The following GPC5 variants were observed in gnomAD, a reference collection of about 807,000 sequenced individuals.
GPC5 encodes glypican-5.
Under a neutral mutation model 53.9 loss-of-function variants are expected in GPC5, and 47 were observed. The ratio of observed to expected loss-of-function variants is 0.87; its 90% CI spans 0.69 to 1.11. GPC5 has a LOEUF of 1.11. GPC5 is among the 50% of genes most tolerant of loss of function. The pLI is 0.00. For missense variants in GPC5, 748 were observed against 713.1 expected, an observed-to-expected ratio of 1.05 and a Z score of -0.56; for synonymous variants, 286 against 263.3, an observed-to-expected ratio of 1.09 and a Z score of -0.84.
At chr13:91,445,761 C>T (rs957850734) in intron 1 of GPC5, among the ~76,000 whole-genome samples, 2 of 152,204 alleles carry the variant, frequency 1.3e-5, no homozygotes, top group Non-Finnish European at 2.9e-5. Flanking sequence ...AGGCATGAGC[C>T]ACCATGCCCA....
chr13:92,731,196 T>C (rs1000955470), intron 7 of GPC5, among the ~76,000 whole-genome samples: 5 of 151,452 alleles, frequency 3.3e-5, no homozygotes, highest in South Asian at 4.1e-4. Context: ...AGGTTGCTTA[T>C]ATTAAGTAAA....
In GPC5 at chr13:91,440,780, G is replaced by A. The variant is rs140237602; in HGVS notation, c.164-7981G>A. On this transcript the variant is annotated intron_variant, in intron 1 of 7. Coordinates refer to ENST00000377067, the MANE Select transcript of GPC5 (RefSeq NM_004466.6). The stretch of plus-strand genomic sequence containing the variant: ...CGGTTTGGACTCAAACTGTCACTGC[G>A]TCTCTTGGGCAACAACTATAATTTT... Among the ~76,000 whole-genome samples the A allele has an allele frequency of 2.8e-3, 422 of 152,278 alleles. 11 individuals carry two copies. In the South Asian group the frequency reaches 0.072, roughly 26 times the overall value.
intron 7 of GPC5, among the ~76,000 whole-genome samples, chr13:92,551,412 A>T (rs907326205): frequency 2.0e-5 from 3 of 152,038 alleles, no homozygotes; most frequent in Middle Eastern, 3.4e-3. Flanking sequence ...AAAGGAAAAA[A>T]AAAATCTTGA....
At chr13:91,835,676 T>C (rs1033462510) in intron 5 of GPC5, among the ~76,000 whole-genome samples, 2 of 151,132 alleles carry the variant, frequency 1.3e-5, no homozygotes, top group East Asian at 2.0e-4. Flanking sequence ...TAAGTGGGAG[T>C]TGAACAATGA....
In GPC5 at chr13:92,097,774, G is replaced by A. The variant is rs75313113; in HGVS notation, c.1402-47056G>A. Among the ~76,000 whole-genome samples the A allele has an allele frequency of 9.2e-4, 140 of 152,242 alleles. No individual in the cohort carries two copies. In the East Asian group the frequency reaches 0.027, roughly 29 times the overall value. On this transcript the variant is annotated intron_variant, in intron 6 of 7. Transcript: ENST00000377067. ...CCAAAATTCTACAGAGAGGAAACAGGCTGATTAAACTTCTCAACTGTAAAT... is the reference window on the plus strand; with the variant it reads ...CCAAAATTCTACAGAGAGGAAACAGACTGATTAAACTTCTCAACTGTAAAT...
chr13:92,296,620 G>T (rs993414334), intron 7 of GPC5, among the ~76,000 whole-genome samples: 2 of 152,166 alleles, frequency 1.3e-5, no homozygotes, highest in African/African-American at 4.8e-5. Context: ...TTCTGGGCTG[G>T]CCAAGGCTGG....
chr13:92,632,485 T>TATATATATGTAC (rs138355646), intron 7 of GPC5, among the ~76,000 whole-genome samples: 1 of 137,652 alleles, frequency 7.3e-6, no homozygotes, highest in Non-Finnish European at 1.5e-5. Context: ...TATATATATA[T>TATATATATGTAC]ACACATATAT....
intron 7 of GPC5, among the ~76,000 whole-genome samples, chr13:92,591,440 G>T (rs1883708462): frequency 6.6e-6 from 1 of 151,992 alleles, no homozygotes; most frequent in African/African-American, 2.4e-5. Flanking sequence ...GTCTCTGCCT[G>T]GTGAAGTTTT....
intron 4 of GPC5, among the ~76,000 whole-genome samples, chr13:91,731,815 G>T (rs918073518): frequency 6.6e-6 from 1 of 152,152 alleles, no homozygotes; most frequent in African/African-American, 2.4e-5. Flanking sequence ...GTTTGCTGAG[G>T]ATGATGGCTT....
intron 5 of GPC5, among the ~76,000 whole-genome samples, chr13:91,839,357 T>C (rs1385831761): frequency 1.3e-5 from 2 of 152,108 alleles, no homozygotes; most frequent in Non-Finnish European, 2.9e-5. Context: ...ACACCCTCAC[T>C]GGCAATCCAT....
In GPC5 at chr13:91,806,010, C is replaced by T. The variant is rs150353668; in HGVS notation, c.1280+49590C>T. On this transcript the variant is annotated intron_variant, in intron 5 of 7. Transcript: ENST00000377067. Reference sequence around the variant, plus strand: ...TGTTTTGTTCTATGTGAACCTTCAACAAATACAATAATTTTTTTTTTTTTT... The same window carrying T: ...TGTTTTGTTCTATGTGAACCTTCAATAAATACAATAATTTTTTTTTTTTTT... Among the ~76,000 whole-genome samples the T allele has an allele frequency of 8.7e-3, 1,098 of 125,604 alleles. 16 individuals carry two copies. Among genetic ancestry groups the T allele is most frequent in the African/African-American group, 0.031 (1,044 of 33,714 alleles). The allele number at this position is 125,604 out of a possible 152,430, so 82.4% of individuals were successfully genotyped here.
chr13:91,959,427 A>T lies in GPC5; in HGVS notation c.1401+51370A>T, dbSNP rs558991749. Among the ~76,000 whole-genome samples the T allele has an allele frequency of 2.6e-5, 4 of 152,178 alleles. No homozygotes were observed. The East Asian group carries it at 7.7e-4, about 29-fold the overall frequency. ...GAAGCCTCCTAACAAAGAAAAGTCC[A>T]GGACTGAATGACTTCACTGCCAAAT... On this transcript the variant is annotated intron_variant, in intron 6 of 7. Coordinates refer to ENST00000377067, the MANE Select transcript of GPC5 (RefSeq NM_004466.6).
intron 7 of GPC5, among the ~76,000 whole-genome samples, chr13:92,254,182 G>A (rs528104836): frequency 3.3e-5 from 5 of 152,208 alleles, no homozygotes; most frequent in East Asian, 1.9e-4. Flanking sequence ...TAGTAGTTGG[G>A]TTTCCCCATT....
chr13:91,673,080 G>A (rs2035287988), intron 2 of GPC5, among the ~76,000 whole-genome samples: 2 of 152,206 alleles, frequency 1.3e-5, no homozygotes, highest in South Asian at 2.1e-4. Context: ...GGGCCTGTTG[G>A]GGGTTAGGGG....
intron 7 of GPC5, among the ~76,000 whole-genome samples, chr13:92,243,770 A>G (rs899111662): frequency 3.3e-5 from 5 of 152,182 alleles, no homozygotes; most frequent in African/African-American, 1.2e-4. Flanking sequence ...TTAAAGATAT[A>G]AATTGGGTTG....
At chr13:91,735,584 G>A (rs1370393745) in intron 4 of GPC5, among the ~76,000 whole-genome samples, 1 of 151,072 alleles carries the variant, frequency 6.6e-6, no homozygotes, top group Non-Finnish European at 1.5e-5. Flanking sequence ...GTATCTTTTT[G>A]TTGGATTTCA....
chr13:91,773,074 G>A (rs1360007670), intron 5 of GPC5, among the ~76,000 whole-genome samples: 1 of 152,098 alleles, frequency 6.6e-6, no homozygotes, highest in Admixed American at 6.6e-5. Flanking sequence ...GGTATCTAAT[G>A]GGATTCCATC....
chr13:91,500,548 A>G (rs1884566113), intron 2 of GPC5, among the ~76,000 whole-genome samples: 2 of 152,116 alleles, frequency 1.3e-5, no homozygotes, highest in African/African-American at 2.4e-5. Flanking sequence ...ATGTAGCTAC[A>G]TATTTTGTGT....
chr13:91,998,058 C>A (rs1249929930), intron 6 of GPC5, among the ~76,000 whole-genome samples: 2 of 152,108 alleles, frequency 1.3e-5, no homozygotes, highest in Non-Finnish European at 2.9e-5. Context: ...AATTGTTTTT[C>A]TATTGCCTAA....
Sources: allele counts gnomAD v4.1 joint callset (sites outside exome capture counted in the v4.1 genomes callset), GRCh38; gene constraint gnomAD v4.1.1; transcripts MANE v1.5; gene names NCBI Gene and HGNC (gene_info 2026-07-23, HGNC 2026-07-21).